The following XKR6 variants were observed in gnomAD, a reference collection of about 807,000 sequenced individuals.
XKR6 encodes XK related 6.
A neutral mutation model predicts 56.7 loss-of-function variants in XKR6; 22 were observed. The observed-to-expected ratio is 0.39, with a 90% CI of 0.28 to 0.55. XKR6 has a LOEUF of 0.55. XKR6 is among the 20% of genes least tolerant of loss of function. XKR6 has a pLI of 0.66. For synonymous variants in XKR6, 524 were observed against 387.8 expected (o/e 1.35, Z -4.13); for missense variants, 852 against 889.0 (o/e 0.96, Z 0.53).
intron 1 of XKR6, among the ~76,000 whole-genome samples, chr8:11,048,615 G>A (rs1018635270): frequency 2.6e-5 from 4 of 152,168 alleles, no homozygotes; most frequent in South Asian, 2.1e-4. Flanking sequence ...TCGGATGCAC[G>A]GTGAGGTTGG....
At chr8:11,172,711 A>T (rs1446775773) in intron 1 of XKR6, among the ~76,000 whole-genome samples, 1 of 152,142 alleles carries the variant, frequency 6.6e-6, no homozygotes, top group Admixed American at 6.5e-5. Flanking sequence ...CTTCCACATA[A>T]ATCAATTTTA....
intron 1 of XKR6, among the ~76,000 whole-genome samples, chr8:11,097,424 G>A (rs1482798644): frequency 6.6e-6 from 1 of 151,102 alleles, no homozygotes; most frequent in East Asian, 1.9e-4. Flanking sequence ...TTTCTTATGT[G>A]TAAAAGTAGA....
chr8:11,010,158 C>T (rs114735351), intron 1 of XKR6, among the ~76,000 whole-genome samples: 1 of 152,056 alleles, frequency 6.6e-6, no homozygotes, highest in Non-Finnish European at 1.5e-5. Flanking sequence ...ATGGCCACAA[C>T]AGGAGGAAGA....
At chr8:11,010,437 G>C (rs576519314) in intron 1 of XKR6, among the ~76,000 whole-genome samples, 45 of 152,260 alleles carry the variant, frequency 3.0e-4, no homozygotes, top group African/African-American at 1.1e-3. Context: ...CCTTCTCTAA[G>C]CCTCATTTTC....
At chr8:10,971,216 T>C (rs979225521) in intron 1 of XKR6, among the ~76,000 whole-genome samples, 11 of 151,596 alleles carry the variant, frequency 7.3e-5, no homozygotes, top group Non-Finnish European at 1.2e-4. Flanking sequence ...GGTCAGGAGA[T>C]CAAGATCATC....
chr8:11,193,389 G>C (rs1022738017), intron 1 of XKR6, among the ~76,000 whole-genome samples: 1 of 152,052 alleles, frequency 6.6e-6, no homozygotes, highest in African/African-American at 2.4e-5. Flanking sequence ...AGTATGTTTT[G>C]AGCTATATTA....
intron 1 of XKR6, among the ~76,000 whole-genome samples, chr8:11,130,185 A>G (rs1021879389): frequency 2.6e-5 from 4 of 152,058 alleles, no homozygotes; most frequent in African/African-American, 9.7e-5. Context: ...GGTTGTGTGT[A>G]TGTGTGTATG....
chr8:11,112,660 C>T (rs1798959868), intron 1 of XKR6, among the ~76,000 whole-genome samples: 1 of 152,118 alleles, frequency 6.6e-6, no homozygotes, highest in Non-Finnish European at 1.5e-5. Context: ...AAACAAAGAA[C>T]CACTGAGTGC....
chr8:10,932,349 C>G (rs1801075659), intron 1 of XKR6, among the ~76,000 whole-genome samples: 1 of 152,048 alleles, frequency 6.6e-6, no homozygotes, highest in Admixed American at 6.5e-5. Flanking sequence ...AGTTCCCTTT[C>G]TAGGTATTCT....
intron 1 of XKR6, among the ~76,000 whole-genome samples, chr8:11,110,832 C>T (rs868684539): frequency 2.6e-5 from 4 of 151,874 alleles, no homozygotes; most frequent in Non-Finnish European, 5.9e-5. Context: ...ATGGAATACA[C>T]TCAACTTTCC....
intron 1 of XKR6, among the ~76,000 whole-genome samples, chr8:11,157,269 C>A (rs978304731): frequency 2.6e-5 from 4 of 152,064 alleles, no homozygotes; most frequent in Admixed American, 2.0e-4. Flanking sequence ...AACCTTGGAA[C>A]TGAAGGAAGA....
At chr8:11,065,708 C>A (rs951520596) in intron 1 of XKR6, among the ~76,000 whole-genome samples, 1 of 152,166 alleles carries the variant, frequency 6.6e-6, no homozygotes. Flanking sequence ...TCCCTCCAAG[C>A]CGGGCTAAAG....
intron 1 of XKR6, among the ~76,000 whole-genome samples, chr8:11,096,565 T>A (rs1324820208): frequency 1.3e-5 from 2 of 152,258 alleles, no homozygotes; most frequent in Non-Finnish European, 2.9e-5. Context: ...CTTTCCATGC[T>A]ACCATTGCAC....
intron 1 of XKR6, among the ~76,000 whole-genome samples, chr8:11,141,672 T>C (rs1800704001): frequency 6.6e-6 from 1 of 152,022 alleles, no homozygotes; most frequent in African/African-American, 2.4e-5. Context: ...TCTCCCCCAA[T>C]ATGAGTGATC....
chr8:11,127,859 C>G (rs1344145149), intron 1 of XKR6, among the ~76,000 whole-genome samples: 1 of 152,190 alleles, frequency 6.6e-6, no homozygotes, highest in Non-Finnish European at 1.5e-5. Flanking sequence ...AGTTTTAACA[C>G]TGATTTGACG....
chr8:11,183,049 CT>C (rs937516925), intron 1 of XKR6, among the ~76,000 whole-genome samples: 1 of 151,894 alleles, frequency 6.6e-6, no homozygotes, highest in African/African-American at 2.4e-5. Context: ...TTAGAATTGC[CT>C]TTTTTTTGAG....
chr8:10,938,265 A>C (rs1465864190), intron 1 of XKR6, among the ~76,000 whole-genome samples: 2 of 152,082 alleles, frequency 1.3e-5, no homozygotes, highest in African/African-American at 2.4e-5. Flanking sequence ...CGGCTCGCGC[A>C]CGGTGCGCGC....
At position 10,993,092 on chromosome 8, in the gene XKR6, A is replaced by G. The variant is rs183594661; in HGVS notation, c.765-68262T>C. On this transcript the variant is annotated intron_variant, in intron 1 of 2. Transcript: ENST00000416569. ...AAAGTGTATATGTGTGTGTATCTACATTTATATAAATAGCAACCAGAATGG... is the reference window on the plus strand; with the variant it reads ...AAAGTGTATATGTGTGTGTATCTACGTTTATATAAATAGCAACCAGAATGG... 6.2e-4 allele frequency among the ~76,000 whole-genome samples: 95 copies of G among 152,388 alleles called. 1 individual carries two copies. The highest frequency in any genetic ancestry group is 4.8e-3 in the Admixed American group (74 of 15,308).
At chr8:11,180,319 G>C (rs973108224) in intron 1 of XKR6, among the ~76,000 whole-genome samples, 4 of 152,192 alleles carry the variant, frequency 2.6e-5, no homozygotes, top group Non-Finnish European at 5.9e-5. Context: ...GGAAATGACT[G>C]TCCAGGTCAG....
Sources: gnomAD v4.1 joint callset for allele counts (sites outside exome capture counted in the v4.1 genomes callset) on GRCh38, gnomAD v4.1.1 for gene constraint, MANE v1.5 for transcripts, NCBI Gene and HGNC (gene_info 2026-07-23, HGNC 2026-07-21) for gene names.